VSTM1: variants seen among roughly 807,000 people sequenced by gnomAD.
VSTM1 encodes V-set and transmembrane domain containing 1, also known as V-set and transmembrane domain-containing protein 1.
In VSTM1, 27 loss-of-function variants were observed where a neutral mutation model predicts 33.1. The observed-to-expected ratio is 0.82, with a 90% CI of 0.60 to 1.12. VSTM1 has a LOEUF of 1.12. Ranked by LOEUF, VSTM1 falls within the 50% of genes most tolerant of loss-of-function variation. The pLI, the probability that VSTM1 is intolerant of heterozygous loss-of-function variation, is 0.00. For missense variants in VSTM1, 304 were observed against 288.9 expected, an observed-to-expected ratio of 1.05 and a Z score of -0.38; for synonymous variants, 115 against 110.3, an observed-to-expected ratio of 1.04 and a Z score of -0.27.
rs376911594 is a variant in VSTM1 at position 54,058,744 on chromosome 19, A to G, written c.35-12T>C. The stretch of plus-strand genomic sequence containing the variant: ...GCCCAGACACAGCCCTGGAAGAGAA[A>G]TCTCAATGAGAGAAAAATTATGTGC... On this transcript the variant is annotated splice_polypyrimidine_tract_variant and intron_variant, in intron 1 of 8. Transcript: ENST00000338372. 3.1e-6 allele frequency: 5 copies of G among 1,613,518 alleles called. No homozygotes were observed. The African/African-American group carries it at 6.7e-5, about 22-fold the overall frequency.
rs547459841 is a variant in VSTM1, at chr19:54,059,849, T to A, written c.35-1117A>T. 6.8e-3 allele frequency among the ~76,000 whole-genome samples: 1,000 copies of A among 148,036 alleles called. 15 individuals carry two copies. The highest frequency in any genetic ancestry group is 0.024 in the African/African-American group (961 of 40,298). On this transcript the variant is annotated intron_variant, in intron 1 of 8. Coordinates refer to ENST00000338372, the MANE Select transcript of VSTM1 (RefSeq NM_198481.4). ...GTGGAGTGAGAGTGGTGGGTTTTTT[T>A]TTTTTTTTTATTTTTCGAGATGGAG... is the stretch of plus-strand genomic sequence containing the variant.
chr19:54,049,262 A>G (rs1316006060), intron 4 of VSTM1, among the ~76,000 whole-genome samples: 2 of 152,214 alleles, frequency 1.3e-5, no homozygotes, highest in Non-Finnish European at 2.9e-5. Flanking sequence ...CACATAGTGT[A>G]TGAATCCACT....
At chr19:54,052,644 G>A (rs1440240317) in intron 3 of VSTM1, among the ~76,000 whole-genome samples, 1 of 141,788 alleles carries the variant, frequency 7.1e-6, no homozygotes, top group Non-Finnish European at 1.6e-5. Flanking sequence ...TGGTGGCAAT[G>A]GATGTGCTAA....
intron 1 of VSTM1, among the ~76,000 whole-genome samples, chr19:54,063,323 G>C (rs1190034927): frequency 6.6e-6 from 1 of 152,114 alleles, no homozygotes; most frequent in Non-Finnish European, 1.5e-5. Context: ...GGGCTACAGA[G>C]TGAGACTCTG....
At chr19:54,049,496 T>G (rs1273553413) in intron 4 of VSTM1, among the ~76,000 whole-genome samples, 5 of 152,136 alleles carry the variant, frequency 3.3e-5, no homozygotes, top group Admixed American at 3.3e-4. Flanking sequence ...GGGTGAATTT[T>G]TGGACTGTGA....
At chr19:54,044,062 G>A (rs79602689) in intron 4 of VSTM1, among the ~76,000 whole-genome samples, 3 of 152,178 alleles carry the variant, frequency 2.0e-5, no homozygotes, top group East Asian at 3.9e-4. Flanking sequence ...AGACCACCAC[G>A]CCCAGCCAAC....
At chr19:54,046,487 G>T (rs1273433631) in intron 4 of VSTM1, among the ~76,000 whole-genome samples, 1 of 152,104 alleles carries the variant, frequency 6.6e-6, no homozygotes, top group Admixed American at 6.6e-5. Flanking sequence ...CTGACTCATT[G>T]TGTCGGATAA....
rs200587635 is a variant in VSTM1, at chr19:54,040,874, A to AG, written c.*86dup. 6,632 of 1,511,324 alleles carry AG rather than the reference A, an allele frequency of 4.4e-3. 238 individuals are homozygous for AG. The Admixed American group carries it at 0.097, about 22-fold the overall frequency. 93.6% of individuals were successfully genotyped at this position (1,511,324 alleles called of 1,614,324 possible). On this transcript the variant is annotated 3_prime_UTR_variant, in exon 9 of 9. Coordinates refer to ENST00000338372, the MANE Select transcript of VSTM1 (RefSeq NM_198481.4). ...ATTTTATTGATATGGACGAAGAGCA[A>AG]GGAAACACAGTATCTGCATCTCCAG...
At chr19:54,046,404 G>C (rs2070591431) in intron 4 of VSTM1, among the ~76,000 whole-genome samples, 1 of 152,134 alleles carries the variant, frequency 6.6e-6, no homozygotes, top group South Asian at 2.1e-4. Flanking sequence ...AGGGGGCAGA[G>C]AGCTAATAAT....
At chr19:54,041,463 A>AATTTTTTGTATCTCTTACCACGCCCG (rs2070262897) in intron 8 of VSTM1, among the ~76,000 whole-genome samples, 1 of 151,582 alleles carries the variant, frequency 6.6e-6, no homozygotes, top group African/African-American at 2.4e-5. Context: ...TACCACGCCC[A>AATTTTTTGTATCTCTTACCACGCCCG]GCTAATTTTT....
rs753821114 is a variant in VSTM1, at chr19:54,058,537, C to T, written c.124G>A (p.Glu42Lys). ...HAWPSSVVEA[E>K]SNVTLKCQAH... is the part of the protein sequence containing the mutation. The stretch of plus-strand genomic sequence containing the variant: ...TGACACTTCAGGGTCACATTGCTCT[C>T]GGCTTCAACCACCGAGCTGGGCCAG... Residue 42 changes from glutamate (E) to lysine (K), a missense_variant, in exon 3 of 9, where the codon GAG (glutamate) becomes AAG (lysine). Glu to Lys is a moderately conservative substitution (Grantham distance 56). Coordinates refer to ENST00000338372, the MANE Select transcript of VSTM1 (RefSeq NM_198481.4). 6 of 1,613,850 alleles carry T rather than the reference C, an allele frequency of 3.7e-6. No homozygotes were observed. The highest frequency in any genetic ancestry group is 3.3e-5 in the Admixed American group (2 of 59,942).
chr19:54,042,737 T>C (rs1324914086), intron 4 of VSTM1, among the ~76,000 whole-genome samples: 2 of 135,030 alleles, frequency 1.5e-5, no homozygotes, highest in Non-Finnish European at 3.2e-5. Context: ...GCTCCATATA[T>C]ATATATACGT....
Position 54,061,351 on chromosome 19 carries a change from G to T in VSTM1, c.34+2393C>A, listed in dbSNP as rs930399875. On this transcript the variant is annotated intron_variant, in intron 1 of 8. Coordinates refer to ENST00000338372, the MANE Select transcript of VSTM1 (RefSeq NM_198481.4). ...TTTCTTGAAAAGAGAAGTTCAAGTT[G>T]TAACTCCCAGGACCTGCGAATGTGA... 3.3e-5 allele frequency among the ~76,000 whole-genome samples: 5 copies of T among 152,256 alleles called. No homozygotes were observed. In the East Asian group the frequency reaches 5.8e-4, roughly 18 times the overall value.
At chr19:54,062,149 C>T (rs11879498) in intron 1 of VSTM1, among the ~76,000 whole-genome samples, 1,941 of 133,412 alleles carry the variant, frequency 0.015, 37 homozygotes, top group African/African-American at 0.047. Flanking sequence ...AGCAAGACTC[C>T]GCCTCAAGAA....
intron 3 of VSTM1, 140 bp downstream of exon 3, chr19:54,058,166 G>A: frequency 2.2e-6 from 2 of 905,072 alleles, no homozygotes; most frequent in Admixed American, 2.9e-5. Flanking sequence ...CTTGAACCCA[G>A]GAGGCAGAAG....
At position 54,053,589 on chromosome 19, in the gene VSTM1, G is replaced by A. The variant is rs549665093; in HGVS notation, c.356-2141C>T. ...GATATTGCTATCAACCACAGGAGTG[G>A]AGAAATGGACCCTTCCCCAGTCAAG... is the stretch of plus-strand genomic sequence containing the variant. On this transcript the variant is annotated intron_variant, in intron 3 of 8. Transcript: ENST00000338372. Among the ~76,000 whole-genome samples the A allele has an allele frequency of 1.3e-3, 181 of 141,782 alleles. 25 individuals carry two copies. In the South Asian group the frequency reaches 0.023, roughly 18 times the overall value. 93.0% of individuals were successfully genotyped at this position (141,782 alleles called of 152,430 possible).
At chr19:54,056,100 T>C (rs931734722) in intron 3 of VSTM1, among the ~76,000 whole-genome samples, 5 of 140,146 alleles carry the variant, frequency 3.6e-5, no homozygotes, top group African/African-American at 1.3e-4. Flanking sequence ...AAGGTCAATG[T>C]TGTCCTCTCC....
chr19:54,052,254 C>G (rs552047512), intron 3 of VSTM1, among the ~76,000 whole-genome samples: 1 of 150,174 alleles, frequency 6.7e-6, no homozygotes, highest in Non-Finnish European at 1.5e-5. Context: ...AAAAGTTAGC[C>G]GAGCGTGGTG....
intron 4 of VSTM1, among the ~76,000 whole-genome samples, chr19:54,048,901 T>TAGAGA (rs1171217207): frequency 7.9e-5 from 12 of 152,056 alleles, no homozygotes; most frequent in Admixed American, 1.3e-4. Context: ...CTAGCCAACA[T>TAGAGA]GGTGAAACCC....
Sources: allele counts gnomAD v4.1 joint callset (sites outside exome capture counted in the v4.1 genomes callset), GRCh38; gene constraint gnomAD v4.1.1; transcripts MANE v1.5; gene names NCBI Gene and HGNC (gene_info 2026-07-23, HGNC 2026-07-21).